Variants in KY observed in about 807,000 individuals in gnomAD.
The protein encoded by KY is kyphoscoliosis peptidase.
KY carries 43 observed loss-of-function variants against 76.1 expected under a neutral mutation model. The observed-to-expected ratio is 0.57, with a 90% CI of 0.44 to 0.73. KY has a LOEUF of 0.73. Among genes scored for constraint, KY ranks in the 30% least tolerant of loss-of-function variants. The pLI, the probability that KY is intolerant of heterozygous loss-of-function variation, is 0.00. For missense variants in KY, 722 were observed against 828.9 expected, an observed-to-expected ratio of 0.87 and a Z score of 1.58; for synonymous variants, 277 against 326.2, an observed-to-expected ratio of 0.85 and a Z score of 1.63.
chr3:134,628,993 A>G (rs1186930917), intron 4 of KY, among the ~76,000 whole-genome samples: 1 of 152,208 alleles, frequency 6.6e-6, no homozygotes, highest in Non-Finnish European at 1.5e-5. Context: ...TCTGTTACTT[A>G]ACCTGCATTC....
In KY at chr3:134,643,074, T is replaced by C. The variant is rs369867841; in HGVS notation, c.262+242A>G. 2.0e-5 allele frequency among the ~76,000 whole-genome samples: 3 copies of C among 152,314 alleles called. 1 individual carries two copies. Among genetic ancestry groups the C allele is most frequent in the African/African-American group, 7.2e-5 (3 of 41,558 alleles). ...AATAGTGATGATGATGACAGCAGCG[T>C]GCTCTGAGGCCCATGGGCTTTATTT... On this transcript the variant is annotated intron_variant, in intron 3 of 10. Coordinates refer to ENST00000423778, the MANE Select transcript of KY (RefSeq NM_178554.6).
chr3:134,613,515 T>G (rs1362409059), intron 8 of KY, among the ~76,000 whole-genome samples: 1 of 152,188 alleles, frequency 6.6e-6, no homozygotes, highest in Non-Finnish European at 1.5e-5. Context: ...CCAGGTCTGG[T>G]GGTCACCTCT....
chr3:134,629,379 G>T (rs1368088190), intron 4 of KY: 2 of 511,262 alleles, frequency 3.9e-6, no homozygotes, highest in Admixed American at 3.2e-5. Context: ...GATGCAATGT[G>T]TCTTCAGCTA....
At chr3:134,634,673 G>A (rs902734482) in intron 3 of KY, among the ~76,000 whole-genome samples, 2 of 152,200 alleles carry the variant, frequency 1.3e-5, no homozygotes, top group Non-Finnish European at 2.9e-5. Context: ...GGTTTGAACT[G>A]CACGAGTCCA....
At chr3:134,638,182 G>T (rs1325289168) in intron 3 of KY, among the ~76,000 whole-genome samples, 1 of 152,196 alleles carries the variant, frequency 6.6e-6, no homozygotes, top group Non-Finnish European at 1.5e-5. Context: ...CTGGGCCTGG[G>T]CTGGACACGC....
rs371402457 is a variant in KY at position 134,607,726 on chromosome 3, A to T, written c.1090+923T>A. 3.6e-5 allele frequency: 35 copies of T among 985,786 alleles called. No homozygotes were observed. The African/African-American group carries it at 6.1e-4, about 17-fold the overall frequency. The allele number at this position is 985,786 out of a possible 1,614,324, so 61.1% of individuals were successfully genotyped here. A position where few individuals can be genotyped will look rare whatever the true frequency, so the allele number is the denominator to read the frequency against. ...GAGTGTGCAAACATACTCAGCTGCC[A>T]TGGCTCCGTGGTGAAGGTTGGGAGA... On this transcript the variant is annotated intron_variant, in intron 10 of 10. Coordinates refer to ENST00000423778, the MANE Select transcript of KY (RefSeq NM_178554.6).
intron 5 of KY, among the ~76,000 whole-genome samples, chr3:134,625,540 G>A (rs1963321528): frequency 6.6e-6 from 1 of 152,226 alleles, no homozygotes; most frequent in Non-Finnish European, 1.5e-5. Context: ...GGAGTGTCCA[G>A]GCAGTGCTGC....
intron 7 of KY, among the ~76,000 whole-genome samples, chr3:134,620,366 A>C (rs1369613983): frequency 6.6e-6 from 1 of 152,082 alleles, no homozygotes; most frequent in African/African-American, 2.4e-5. Context: ...ATCACTTTTC[A>C]AACAGCTGCA....
In KY at chr3:134,619,239, T is replaced by C. The variant is rs1184072879; in HGVS notation, c.619A>G (p.Lys207Glu). The change falls in exon 8 of 11, where the codon AAG (lysine) becomes GAG (glutamate). Residue 207 changes from lysine (K) to glutamate (E), a missense_variant. This residue lies in a region of KY where 552 missense variants were observed against 680.9 expected (regional missense o/e 0.81). Coordinates refer to ENST00000423778, the MANE Select transcript of KY (RefSeq NM_178554.6). ...IEYDIAAAQE[K>E]DRQAFKPTDI... ...GTGGGTTTGAAGGCTTGGCGGTCCT[T>C]CTCCTGAGCAGCTGCAATGTCATAC... 1 of 1,613,794 alleles carries C rather than the reference T, an allele frequency of 6.2e-7. No homozygotes were observed. The highest frequency in any genetic ancestry group is 8.5e-7 in the Non-Finnish European group (1 of 1,179,832).
intron 4 of KY, 181 bp from the exon 5 acceptor site, chr3:134,627,999 G>C: frequency 3.3e-6 from 2 of 613,192 alleles, no homozygotes; most frequent in Non-Finnish European, 5.8e-6. Flanking sequence ...GGAACTTCCT[G>C]GTGTGGCAGA....
Position 134,603,530 on chromosome 3 carries a change from G to T in KY, c.*49C>A. The stretch of plus-strand genomic sequence containing the variant: ...CTGCACTTCCTTCGAGCCCTCCCTG[G>T]GGAGGTCTGGCCTTGGCCCTTTGGG... On this transcript the variant is annotated 3_prime_UTR_variant, in exon 11 of 11. Coordinates refer to ENST00000423778, the MANE Select transcript of KY (RefSeq NM_178554.6). 6.6e-7 allele frequency: 1 copy of T among 1,505,596 alleles called. No individual in the cohort carries two copies. Among genetic ancestry groups the T allele is most frequent in the Non-Finnish European group, 8.9e-7 (1 of 1,118,846 alleles). The allele number at this position is 1,505,596 out of a possible 1,614,324, so 93.3% of individuals were successfully genotyped here.
chr3:134,650,672 C>T (rs1419822695), intron 1 of KY, among the ~76,000 whole-genome samples, 153 bp downstream of exon 1: 1 of 152,160 alleles, frequency 6.6e-6, no homozygotes, highest in Non-Finnish European at 1.5e-5. Flanking sequence ...GACGCCGGTG[C>T]CACTGCGGGG....
At chr3:134,643,219 A>G in intron 3 of KY, 97 bp downstream of exon 3, 2 of 1,173,126 alleles carry the variant, frequency 1.7e-6, no homozygotes, top group Non-Finnish European at 2.5e-6. Flanking sequence ...CCTGCTCCCC[A>G]TAGTCTGAGC....
intron 2 of KY, among the ~76,000 whole-genome samples, chr3:134,644,820 T>G (rs1227057560): frequency 6.6e-6 from 1 of 152,204 alleles, no homozygotes; most frequent in Non-Finnish European, 1.5e-5. Context: ...AAAGCCTGCC[T>G]CCTCCAGCCT....
At chr3:134,604,970 CTG>C (rs556173090) in intron 10 of KY, among the ~76,000 whole-genome samples, 51 of 152,288 alleles carry the variant, frequency 3.3e-4, no homozygotes, top group Non-Finnish European at 6.8e-4. Context: ...CTCCCTGAGA[CTG>C]TGCATAGGAG....
chr3:134,637,501 T>C lies in KY; in HGVS notation c.262+5815A>G, dbSNP rs147666882. ...AGTAGTCCTGTAGTAAAGAACTCTA[T>C]TTGACCCAGTACTATTTTGTCAAAC... is the stretch of plus-strand genomic sequence containing the variant. On this transcript the variant is annotated intron_variant, in intron 3 of 10. Transcript: ENST00000423778. Among the ~76,000 whole-genome samples the C allele has an allele frequency of 2.9e-4, 44 of 152,352 alleles. 1 individual carries two copies. Among genetic ancestry groups the C allele is most frequent in the African/African-American group, 1.0e-3 (43 of 41,574 alleles).
chr3:134,609,618 C>T (rs1266485916), intron 9 of KY, among the ~76,000 whole-genome samples: 1 of 152,142 alleles, frequency 6.6e-6, no homozygotes, highest in East Asian at 1.9e-4. Flanking sequence ...CAGGATTGGC[C>T]AGAGCCCCAG....
rs1427477155 is a variant in KY at position 134,603,026 on chromosome 3, GGCA to G, written c.*550_*552del. The G allele has an allele frequency of 6.6e-6, 1 of 152,272 alleles. No homozygotes were observed. Among genetic ancestry groups the G allele is most frequent in the Non-Finnish European group, 1.5e-5 (1 of 68,078 alleles). 9.4% of individuals were successfully genotyped at this position (152,272 alleles called of 1,614,324 possible). A position where few individuals can be genotyped will look rare whatever the true frequency, so the allele number is the denominator to read the frequency against. On this transcript the variant is annotated 3_prime_UTR_variant, in exon 11 of 11. Coordinates refer to ENST00000423778, the MANE Select transcript of KY (RefSeq NM_178554.6). ...AAGAACAAGAAGTAGCTAATGAAGA[GGCA>G]GCAGGATGCAGAAGATGATCAGGTC...
At chr3:134,622,726 G>C (rs140741081) in intron 6 of KY, among the ~76,000 whole-genome samples, 2 of 152,268 alleles carry the variant, frequency 1.3e-5, no homozygotes, top group East Asian at 3.9e-4. Flanking sequence ...TTTCTTCGTA[G>C]GGGCCCTCAG....
Sources: gnomAD v4.1 joint callset for allele counts (sites outside exome capture counted in the v4.1 genomes callset) on GRCh38, gnomAD v4.1.1 for gene constraint, gnomAD v4.1.1 regional missense constraint, MANE v1.5 for transcripts, NCBI Gene and HGNC (gene_info 2026-07-23, HGNC 2026-07-21) for gene names.